Variants in DAB2IP observed in about 807,000 individuals in gnomAD.
The protein encoded by DAB2IP is disabled homolog 2-interacting protein.
In DAB2IP, 28 loss-of-function variants were observed where a neutral mutation model predicts 107.2. The observed-to-expected ratio is 0.26, with a 90% CI of 0.19 to 0.36. DAB2IP has a LOEUF of 0.36. Ranked by LOEUF, DAB2IP falls within the 10% of genes least tolerant of loss-of-function variation. The pLI, the probability that DAB2IP is intolerant of heterozygous loss-of-function variation, is 1.00. For synonymous variants in DAB2IP, 755 were observed against 706.4 expected, an observed-to-expected ratio of 1.07 and a Z score of -1.09; for missense variants, 1,400 against 1,644.7, an observed-to-expected ratio of 0.85 and a Z score of 2.57.
intron 1 of DAB2IP, among the ~76,000 whole-genome samples, chr9:121,583,800 G>A (rs1830256517): frequency 1.3e-5 from 2 of 152,218 alleles, no homozygotes; most frequent in African/African-American, 4.8e-5. Flanking sequence ...TTGTGTCCAA[G>A]GAGAAGCTCA....
chr9:121,768,013 TGAC>T (rs2118996119), intron 9 of DAB2IP, among the ~76,000 whole-genome samples: 1 of 152,222 alleles, frequency 6.6e-6, no homozygotes, highest in East Asian at 1.9e-4. Context: ...GTGTTGATGA[TGAC>T]TTCAGGTGTG....
In DAB2IP at chr9:121,635,712, A is replaced by G. The variant is rs1003782903; in HGVS notation, c.41-42966A>G. ...GGGGCTTGAGGGTGGAGGCCATTCA[A>G]ACACAAAGCACTCTGGGTGAAGACA... On this transcript the variant is annotated intron_variant, in intron 1 of 16. Transcript: ENST00000259371. This position sits in a 1 kb window ranked among gnomAD's most constrained non-coding sequence, Gnocchi z 4.3. Among the ~76,000 whole-genome samples, 7 of 152,208 alleles carry G rather than the reference A, an allele frequency of 4.6e-5. No homozygotes were observed. The highest frequency in any genetic ancestry group is 1.7e-4 in the African/African-American group (7 of 41,454).
chr9:121,728,550 A>T lies in DAB2IP; in HGVS notation c.363-28463A>T, dbSNP rs182618579. Among the ~76,000 whole-genome samples, 8 of 152,268 alleles carry T rather than the reference A, an allele frequency of 5.3e-5. No individual in the cohort carries two copies. The East Asian group carries it at 1.5e-3, about 29-fold the overall frequency. ...CACGGGTCTTATTAATGCTACTGAG[A>T]TCCTGTTCTCAGATACAGGGCCTGC... On this transcript the variant is annotated intron_variant, in intron 3 of 15. Transcript: ENST00000408936.
In DAB2IP at chr9:121,670,192, G is replaced by A. The variant is rs545231729; in HGVS notation, c.125-8486G>A. ...TACACTATGTGACCTTTTGATACTG[G>A]CTTTCCTCGCTCAGCATAATGCCCA... is the stretch of plus-strand genomic sequence containing the variant. On this transcript the variant is annotated intron_variant, in intron 1 of 15. Coordinates refer to ENST00000408936, the Ensembl canonical transcript of DAB2IP. 3.3e-5 allele frequency among the ~76,000 whole-genome samples: 5 copies of A among 152,320 alleles called. 1 individual carries two copies. The South Asian group carries it at 1.0e-3, about 32-fold the overall frequency.
At chr9:121,695,670 T>G (rs7040850) in intron 2 of DAB2IP, among the ~76,000 whole-genome samples, 13,335 of 152,040 alleles carry the variant, frequency 0.088, 1,425 homozygotes, top group African/African-American at 0.25. Flanking sequence ...TAGGGGGTCA[T>G]AGTCTGTCCC....
At chr9:121,750,226 C>T (rs1011593193) in intron 3 of DAB2IP, among the ~76,000 whole-genome samples, 22 of 152,232 alleles carry the variant, frequency 1.4e-4, no homozygotes, top group African/African-American at 3.9e-4. Context: ...AATAGAGACT[C>T]GGTTTGCTCT....
In DAB2IP at chr9:121,662,436, A is replaced by G. The variant is rs1833248505; in HGVS notation, c.124+10537A>G. On this transcript the variant is annotated intron_variant, in intron 1 of 15. Transcript: ENST00000408936. The surrounding 1 kb of genome is among the most constrained non-coding windows in gnomAD (Gnocchi z 4.6). ...AAGTCAGAAGAAGGAGAACATAGGG[A>G]GTTATATGAAATTCAAATTTCAATG... Among the ~76,000 whole-genome samples, 1 of 152,208 alleles carries G rather than the reference A, an allele frequency of 6.6e-6. No individual in the cohort carries two copies. The highest frequency in any genetic ancestry group is 2.4e-5 in the African/African-American group (1 of 41,450).
chr9:121,579,782 TAATG>T (rs1160027202), intron 1 of DAB2IP, among the ~76,000 whole-genome samples: 1 of 152,180 alleles, frequency 6.6e-6, no homozygotes, highest in African/African-American at 2.4e-5. Context: ...GTTGAATGAA[TAATG>T]AATGAACGAA....
At chr9:121,580,076 CCCT>C (rs1442733520) in intron 1 of DAB2IP, among the ~76,000 whole-genome samples, 3 of 152,128 alleles carry the variant, frequency 2.0e-5, no homozygotes, top group African/African-American at 7.2e-5. Flanking sequence ...ATGTATAAAC[CCCT>C]CCTCCTTTTT....
intron 1 of DAB2IP, among the ~76,000 whole-genome samples, chr9:121,625,408 CTT>C (rs903409495): frequency 1.1e-4 from 16 of 147,506 alleles, no homozygotes; most frequent in African/African-American, 4.0e-4. Flanking sequence ...CTGGTGAACT[CTT>C]TTTTTTTTTA....
intron 3 of DAB2IP, among the ~76,000 whole-genome samples, chr9:121,718,474 C>CT (rs1354600864): frequency 6.6e-6 from 1 of 152,174 alleles, no homozygotes; most frequent in Non-Finnish European, 1.5e-5. Context: ...TAACAAGTCC[C>CT]TCGGGAGTCT....
rs1831836977 is a variant in DAB2IP, at chr9:121,735,534, TG to T, written c.363-21477del. On this transcript the variant is annotated intron_variant, in intron 3 of 15. Coordinates refer to ENST00000408936, the Ensembl canonical transcript of DAB2IP. ...ACCTGGGGTCTGTGATGCCTTAGGG[TG>T]GAGGATGCGAGGAGCTGGGCAGGAC... Among the ~76,000 whole-genome samples the T allele has an allele frequency of 6.6e-5, 10 of 152,234 alleles. No homozygotes were observed. In the South Asian group the frequency reaches 2.1e-3, roughly 32 times the overall value.
exon 16 of DAB2IP, chr9:121,783,525 T>C: frequency 6.2e-7 from 1 of 1,614,176 alleles, no homozygotes; most frequent in East Asian, 2.2e-5. Flanking sequence ...TGATTTTTTT[T>C]CCTTTCACAG....
At chr9:121,703,072 C>G (rs981646687) in intron 3 of DAB2IP, among the ~76,000 whole-genome samples, 1 of 152,098 alleles carries the variant, frequency 6.6e-6, no homozygotes, top group African/African-American at 2.4e-5. Context: ...CTGGCGTTCC[C>G]ACACCTGAAA....
chr9:121,571,468 T>C lies in DAB2IP; in HGVS notation c.40+4240T>C, dbSNP rs560018546. Among the ~76,000 whole-genome samples the C allele has an allele frequency of 2.0e-5, 3 of 152,258 alleles. No homozygotes were observed. In the East Asian group the frequency reaches 5.8e-4, roughly 29 times the overall value. On this transcript the variant is annotated intron_variant, in intron 1 of 16. Coordinates refer to the DAB2IP transcript ENST00000259371. The stretch of plus-strand genomic sequence containing the variant: ...AGACTGGTGATGCTTTGGAGCATTC[T>C]CTGATACTTACAATCTTGGTCAGGG...
In DAB2IP at chr9:121,734,471, A is replaced by C. The variant is rs558881861; in HGVS notation, c.363-22542A>C. Among the ~76,000 whole-genome samples, 12 of 152,020 alleles carry C rather than the reference A, an allele frequency of 7.9e-5. 1 individual carries two copies. The South Asian group carries it at 2.5e-3, about 32-fold the overall frequency. On this transcript the variant is annotated intron_variant, in intron 3 of 15. Transcript: ENST00000408936. The stretch of plus-strand genomic sequence containing the variant: ...GCAGGGGCTAGGAAGGAGGGCACAG[A>C]GGAAGCAACAGCAGACAGCTGGTGA...
At chr9:121,759,395 C>A (rs1833725420) in intron 5 of DAB2IP, among the ~76,000 whole-genome samples, 1 of 152,182 alleles carries the variant, frequency 6.6e-6, no homozygotes, top group Non-Finnish European at 1.5e-5. Context: ...TTCCCACTGC[C>A]CCTGGGCTCC....
chr9:121,596,060 C>A (rs1406901476), intron 1 of DAB2IP, among the ~76,000 whole-genome samples: 1 of 152,128 alleles, frequency 6.6e-6, no homozygotes. Flanking sequence ...GTGGCTCATG[C>A]CTGTAATCCC....
At chr9:121,746,626 A>G (rs116996391) in intron 3 of DAB2IP, among the ~76,000 whole-genome samples, 1 of 152,100 alleles carries the variant, frequency 6.6e-6, no homozygotes, top group Non-Finnish European at 1.5e-5. Context: ...AGGAGATGAG[A>G]TGGAAGAAGA....
Sources: gnomAD v4.1 joint callset for allele counts (sites outside exome capture counted in the v4.1 genomes callset) on GRCh38, gnomAD v4.1.1 for gene constraint, Gnocchi (gnomAD v3.1) non-coding constraint, MANE v1.5 for transcripts, NCBI Gene and HGNC (gene_info 2026-07-23, HGNC 2026-07-21) for gene names.